The following VLDLR variants were observed in gnomAD, a reference collection of about 807,000 sequenced individuals.
VLDLR encodes the protein very low-density lipoprotein receptor.
A neutral mutation model predicts 112.7 loss-of-function variants in VLDLR; 81 were observed. The ratio of observed to expected loss-of-function variants is 0.72; its 90% CI spans 0.60 to 0.86. VLDLR has a LOEUF of 0.86. VLDLR is among the 40% of genes least tolerant of loss of function. VLDLR has a pLI of 0.00. For synonymous variants in VLDLR, 436 were observed against 384.8 expected, an observed-to-expected ratio of 1.13 and a Z score of -1.56; for missense variants, 1,237 against 1,099.4, an observed-to-expected ratio of 1.13 and a Z score of -1.77.
chr9:2,641,720 A>G (rs746908010), intron 4 of VLDLR, among the ~76,000 whole-genome samples: 1 of 152,174 alleles, frequency 6.6e-6, no homozygotes, highest in Non-Finnish European at 1.5e-5. Context: ...AGGCAAATAG[A>G]AATAAGAAGG....
At chr9:2,627,608 T>G (rs1053273782) in intron 1 of VLDLR, among the ~76,000 whole-genome samples, 12 of 152,016 alleles carry the variant, frequency 7.9e-5, no homozygotes, top group Non-Finnish European at 1.6e-4. Context: ...CTCAAACCTA[T>G]AATCCCAGTG....
At chr9:2,645,449 C>T in intron 9 of VLDLR, 125 bp from the exon 10 acceptor site, 1 of 1,222,582 alleles carries the variant, frequency 8.2e-7, no homozygotes, top group Non-Finnish European at 1.2e-6. Context: ...AACTCCAGAA[C>T]AGATACTACT....
Position 2,654,965 on chromosome 9 carries a change from A to G in VLDLR, c.*1097A>G, listed in dbSNP as rs1818540217. 6.6e-6 allele frequency: 1 copy of G among 152,204 alleles called. No homozygotes were observed. 9.4% of individuals were successfully genotyped at this position (152,204 alleles called of 1,614,324 possible). A position where few individuals can be genotyped will look rare whatever the true frequency, so the allele number is the denominator to read the frequency against. ...ATGGCATTCTTGAACAGTCTAAGGC[A>G]GGTTTCTCAGTGTGGTCCTGAGAAC... On this transcript the variant is annotated 3_prime_UTR_variant, in exon 19 of 19. Transcript: ENST00000382100.
Position 2,651,971 on chromosome 9 carries a change from C to T in VLDLR, c.2416+17C>T, listed in dbSNP as rs1157502597. 6.2e-7 allele frequency: 1 copy of T among 1,613,424 alleles called. No individual in the cohort carries two copies. Among genetic ancestry groups the T allele is most frequent in the East Asian group, 2.2e-5 (1 of 44,872 alleles). ...TTCCTCTCTGTAAGTAGATTTCCTA[C>T]AAGTCTGGGTTCAAGAACTTCTTAG... On this transcript the variant is annotated intron_variant, in intron 17 of 18. Coordinates refer to ENST00000382100, the MANE Select transcript of VLDLR (RefSeq NM_003383.5).
chr9:2,634,158 C>G (rs988228522), intron 1 of VLDLR, among the ~76,000 whole-genome samples: 6 of 152,106 alleles, frequency 3.9e-5, no homozygotes, highest in African/African-American at 1.4e-4. Flanking sequence ...TGATTTGGGC[C>G]AAATTTTAAT....
chr9:2,623,427 C>G lies in VLDLR; in HGVS notation c.82+1156C>G, dbSNP rs78466525. Among the ~76,000 whole-genome samples the G allele has an allele frequency of 1.9e-4, 29 of 152,002 alleles. No homozygotes were observed. The East Asian group carries it at 5.3e-3, about 28-fold the overall frequency. ...GAAAGCCGCCCAGGCCCTTAACACC[C>G]GTTCCAGAGTCCCTGGCTCCCGTCG... is the stretch of plus-strand genomic sequence containing the variant. On this transcript the variant is annotated intron_variant, in intron 1 of 18. Coordinates refer to ENST00000382100, the MANE Select transcript of VLDLR (RefSeq NM_003383.5).
Position 2,635,491 on chromosome 9 carries a change from A to T in VLDLR, c.121A>T (p.Thr41Ser), listed in dbSNP as rs767067911. The change falls in exon 2 of 19, where the codon ACA (threonine) becomes TCA (serine). Residue 41 changes from threonine (T) to serine (S), a missense_variant. Transcript: ENST00000382100. ...ATGTGAACCCTCCCAATTCCAGTGCACAAATGGTCGCTGTATTACGCTGTT... is the reference window on the plus strand; with the variant it reads ...ATGTGAACCCTCCCAATTCCAGTGCTCAAATGGTCGCTGTATTACGCTGTT... ...AKCEPSQFQC[T>S]NGRCITLLWK... 6.2e-7 allele frequency: 1 copy of T among 1,614,136 alleles called. No homozygotes were observed. Among genetic ancestry groups the T allele is most frequent in the Admixed American group, 1.7e-5 (1 of 60,020 alleles).
At chr9:2,652,644 C>A in intron 17 of VLDLR, 136 bp from the exon 18 acceptor site, 1 of 1,228,172 alleles carries the variant, frequency 8.1e-7, no homozygotes, top group Non-Finnish European at 1.2e-6. Context: ...TGTATTCCAA[C>A]TTCTAGTTAT....
Position 2,651,907 on chromosome 9 carries a change from G to A in VLDLR, c.2369G>A (p.Ser790Asn), listed in dbSNP as rs575652450. The change falls in exon 17 of 19, where the codon AGT (serine) becomes AAT (asparagine). Residue 790 changes from serine to asparagine, a missense_variant. Transcript: ENST00000382100. The part of the protein sequence containing the change: ...INVTTAVSEV[S>N]VPPKGTSAAW... Reference sequence around the variant, plus strand: ...GTGACCACAGCAGTATCAGAGGTCAGTGTTCCCCCAAAAGGGACTTCTGCC... The same window carrying A: ...GTGACCACAGCAGTATCAGAGGTCAATGTTCCCCCAAAAGGGACTTCTGCC... The A allele has an allele frequency of 6.2e-7, 1 of 1,614,142 alleles. No homozygotes were observed. The highest frequency in any genetic ancestry group is 1.1e-5 in the South Asian group (1 of 91,084).
intron 18 of VLDLR, 49 bp from the exon 19 acceptor site, chr9:2,653,784 C>A: frequency 1.2e-6 from 2 of 1,608,682 alleles, no homozygotes; most frequent in Non-Finnish European, 1.7e-6. Context: ...CTAGAGTTGC[C>A]ATCAGTGAGT....
intron 2 of VLDLR, among the ~76,000 whole-genome samples, chr9:2,636,302 C>T (rs1056615998): frequency 6.6e-6 from 1 of 152,200 alleles, no homozygotes; most frequent in African/African-American, 2.4e-5. Flanking sequence ...GGGTTGTAAA[C>T]ATTCTGAAAC....
chr9:2,645,706 A>C lies in VLDLR; in HGVS notation c.1445A>C (p.Lys482Thr), dbSNP rs780747364. The C allele has an allele frequency of 9.9e-6, 16 of 1,614,040 alleles. No homozygotes were observed. The African/African-American group carries it at 2.1e-4, about 22-fold the overall frequency. The change falls in exon 10 of 19, where the codon AAA (lysine) becomes ACA (threonine). Residue 482 changes from lysine (K) to threonine (T), a missense_variant. Lys to Thr is a moderately conservative substitution (Grantham distance 78, BLOSUM62 -1). Transcript: ENST00000382100. ...VALDADIAAQ[K>T]LFWADLSQKA... ...CTCGATGCTGACATTGCTGCCCAGA[A>C]ACTATTCTGGGCCGATCTAAGCCAA...
chr9:2,622,891 C>T (rs1816892332), intron 1 of VLDLR, among the ~76,000 whole-genome samples: 1 of 152,140 alleles, frequency 6.6e-6, no homozygotes, highest in African/African-American at 2.4e-5. Flanking sequence ...CTCCGGCGTG[C>T]GGGGTAGGGG....
At chr9:2,641,529 C>G in intron 4 of VLDLR, 30 bp downstream of exon 4, 1 of 1,613,486 alleles carries the variant, frequency 6.2e-7, no homozygotes, top group East Asian at 2.2e-5. Context: ...GTGACGTAAC[C>G]CAAAGACCCT....
At chr9:2,641,314 C>G in intron 3 of VLDLR, 63 bp from the exon 4 acceptor site, 3 of 1,611,704 alleles carry the variant, frequency 1.9e-6, no homozygotes, top group South Asian at 2.2e-5. Flanking sequence ...CCAGGCAGCA[C>G]AGGAGCAGCA....
intron 1 of VLDLR, among the ~76,000 whole-genome samples, chr9:2,624,274 G>A (rs1489832647): frequency 1.3e-5 from 2 of 152,212 alleles, no homozygotes; most frequent in Non-Finnish European, 1.5e-5. Flanking sequence ...TTTGGGCTGA[G>A]GCAGTTATTG....
intron 4 of VLDLR, among the ~76,000 whole-genome samples, chr9:2,642,152 G>C (rs1817861146): frequency 6.6e-6 from 1 of 152,126 alleles, no homozygotes; most frequent in Non-Finnish European, 1.5e-5. Context: ...GCTGCATGTT[G>C]AAGGTGAGGG....
rs1818546970 is a variant in VLDLR at position 2,655,102 on chromosome 9, C to A, written c.*1234C>A. On this transcript the variant is annotated 3_prime_UTR_variant, in exon 19 of 19. Transcript: ENST00000382100. ...GAGGGCTGAAACCTGCTTTCATAAG[C>A]CCTTCAGGCGATACTGATGTAAACT... is the stretch of plus-strand genomic sequence containing the variant. 1 of 152,216 alleles carries A rather than the reference C, an allele frequency of 6.6e-6. No individual in the cohort carries two copies. The highest frequency in any genetic ancestry group is 1.5e-5 in the Non-Finnish European group (1 of 68,048). The allele number at this position is 152,216 out of a possible 1,614,324, so 9.4% of individuals were successfully genotyped here. A position where few individuals can be genotyped will look rare whatever the true frequency, so the allele number is the denominator to read the frequency against.
chr9:2,625,312 G>A (rs966140477), intron 1 of VLDLR, among the ~76,000 whole-genome samples: 11 of 152,174 alleles, frequency 7.2e-5, no homozygotes, highest in African/African-American at 2.7e-4. Context: ...GTACCCAGCC[G>A]TGTGGCTTCG....
Sources: gnomAD v4.1 joint callset for allele counts (sites outside exome capture counted in the v4.1 genomes callset) on GRCh38, gnomAD v4.1.1 for gene constraint, MANE v1.5 for transcripts, NCBI Gene and HGNC (gene_info 2026-07-23, HGNC 2026-07-21) for gene names.